Variants in HMCN1 observed in about 807,000 individuals in gnomAD.
HMCN1 encodes the protein hemicentin 1, also known as hemicentin-1.
HMCN1 carries 321 observed loss-of-function variants against 625.9 expected under a neutral mutation model. The ratio of observed to expected loss-of-function variants is 0.51; its 90% CI spans 0.47 to 0.56. HMCN1 has a LOEUF of 0.56. Among genes scored for constraint, HMCN1 ranks in the 20% least tolerant of loss-of-function variants. HMCN1 has a pLI of 0.00. For synonymous variants in HMCN1, 2,425 were observed against 2,417.6 expected, an observed-to-expected ratio of 1.00 and a Z score of -0.09; for missense variants, 6,588 against 6,887.3, an observed-to-expected ratio of 0.96 and a Z score of 1.54.
At chr1:186,108,877 A>C (rs550958343) in intron 71 of HMCN1, among the ~76,000 whole-genome samples, 2 of 152,362 alleles carry the variant, frequency 1.3e-5, no homozygotes, top group Admixed American at 1.3e-4. Flanking sequence ...GCGCCCATGC[A>C]TTAAAGTTTG....
At chr1:186,126,091 T>A (rs745368672) in intron 82 of HMCN1, among the ~76,000 whole-genome samples, 1 of 152,118 alleles carries the variant, frequency 6.6e-6, no homozygotes, top group Non-Finnish European at 1.5e-5. Context: ...TAACCTTATT[T>A]GGCAATGATA....
At chr1:186,070,584 C>T in intron 51 of HMCN1, 28 bp from the exon 52 acceptor site, 1 of 1,591,856 alleles carries the variant, frequency 6.3e-7, no homozygotes, top group Non-Finnish European at 8.6e-7. Context: ...TAACCAATGT[C>T]TAACTCTTTA....
chr1:186,186,898 G>A (rs967300757), intron 105 of HMCN1, among the ~76,000 whole-genome samples: 2 of 151,764 alleles, frequency 1.3e-5, no homozygotes, highest in Admixed American at 6.6e-5. Context: ...TCTTACATTT[G>A]GGATCTTAAA....
At chr1:185,812,412 C>T (rs1013600963) in intron 1 of HMCN1, among the ~76,000 whole-genome samples, 3 of 151,728 alleles carry the variant, frequency 2.0e-5, no homozygotes, top group Admixed American at 1.3e-4. Context: ...GTTTCTTTAA[C>T]AAAAAAAGTG....
At chr1:185,776,442 TTGTGTGTGTGTG>T (rs57003461) in intron 1 of HMCN1, among the ~76,000 whole-genome samples, 4 of 146,984 alleles carry the variant, frequency 2.7e-5, no homozygotes, top group South Asian at 2.2e-4. Context: ...TTGTATAGGG[TTGTGTGTGTGTG>T]TGTGTGTGTG....
At chr1:185,990,838 TCTTG>T (rs1215634932) in intron 22 of HMCN1, among the ~76,000 whole-genome samples, 1 of 152,226 alleles carries the variant, frequency 6.6e-6, no homozygotes, top group African/African-American at 2.4e-5. Flanking sequence ...TTGTAAGTCT[TCTTG>T]CTTAAACCCT....
chr1:185,825,172 G>C (rs750478474), intron 1 of HMCN1, among the ~76,000 whole-genome samples: 1 of 152,062 alleles, frequency 6.6e-6, no homozygotes, highest in East Asian at 1.9e-4. Context: ...AAACAGAAAC[G>C]CTGAGGAGGG....
intron 83 of HMCN1, among the ~76,000 whole-genome samples, chr1:186,129,201 TAA>T (rs75464991): frequency 0.036 from 5,329 of 148,196 alleles, 138 homozygotes; most frequent in Middle Eastern, 0.094. Flanking sequence ...GTAAAAGATT[TAA>T]AAAAAAAAAA....
In HMCN1 at chr1:185,970,454, G is replaced by T; in HGVS notation, c.2332G>T (p.Ala778Ser). 2 of 1,613,956 alleles carry T rather than the reference G, an allele frequency of 1.2e-6. No individual in the cohort carries two copies. Among genetic ancestry groups the T allele is most frequent in the Non-Finnish European group, 8.5e-7 (1 of 1,179,860 alleles). The change falls in exon 15 of 107, where the codon GCT (alanine) becomes TCT (serine). Residue 778 changes from alanine to serine, a missense_variant. This residue lies in a region of HMCN1 where 4,628 missense variants were observed against 4,853.1 expected (regional missense o/e 0.95). Coordinates refer to ENST00000271588, the MANE Select transcript of HMCN1 (RefSeq NM_031935.3). ...TTATACCTGTGTAGCCATCAATGAG[G>T]CTGGAAGAGCAACTGGCAAGATAAC... Reference protein sequence around the residue: ...GDYTCVAINEAGRATGKITLD... With the variant: ...GDYTCVAINESGRATGKITLD...
At chr1:185,811,221 A>G (rs1387751305) in intron 1 of HMCN1, among the ~76,000 whole-genome samples, 2 of 152,148 alleles carry the variant, frequency 1.3e-5, no homozygotes, top group Non-Finnish European at 2.9e-5. Context: ...AACAAGGGCT[A>G]TTAGAGGGAC....
At chr1:185,846,264 A>T (rs554711052) in intron 2 of HMCN1, among the ~76,000 whole-genome samples, 168 bp downstream of exon 2, 1 of 152,330 alleles carries the variant, frequency 6.6e-6, no homozygotes, top group South Asian at 2.1e-4. Context: ...ATTGAACAAT[A>T]CATACAGAAA....
intron 4 of HMCN1, among the ~76,000 whole-genome samples, chr1:185,889,171 C>G (rs934770106): frequency 1.9e-4 from 28 of 145,394 alleles, no homozygotes; most frequent in South Asian, 8.7e-4. Flanking sequence ...TATCCTGAGA[C>G]TTTGCTGAAG....
rs557248046 is a variant in HMCN1, at chr1:185,889,703, T to C, written c.622-19634T>C. ...TAAGCTTTTTGATGTGCTGCTGGAT[T>C]CGGTTTGCCAGTATTTTATTGAGGA... On this transcript the variant is annotated intron_variant, in intron 4 of 106. Transcript: ENST00000271588. 1.8e-3 allele frequency among the ~76,000 whole-genome samples: 247 copies of C among 140,410 alleles called. 9 individuals are homozygous for C. The highest frequency in any genetic ancestry group is 7.6e-3 in the African/African-American group (242 of 31,960). 92.1% of individuals were successfully genotyped at this position (140,410 alleles called of 152,430 possible). A position where few individuals can be genotyped will look rare whatever the true frequency, so the allele number is the denominator to read the frequency against.
rs1461092077 is a variant in HMCN1, at chr1:186,144,688, A to T, written c.14251A>T (p.Ser4751Cys). ...TGATGTCCAGAGTGATTTTTGCAAC[A>T]GTGACCCTTGCCCAAGTGAGTGTTG... ...GSDVQSDFCN[S>C]DPCPTHGNWS... Residue 4751 changes from serine (S) to cysteine (C), a missense_variant, in exon 91 of 107, where the codon AGT becomes TGT. By Grantham distance (112) the Ser-to-Cys change is moderately radical. Transcript: ENST00000271588. 1.2e-6 allele frequency: 2 copies of T among 1,614,014 alleles called. No homozygotes were observed. The highest frequency in any genetic ancestry group is 1.3e-5 in the African/African-American group (1 of 74,920).
intron 80 of HMCN1, among the ~76,000 whole-genome samples, chr1:186,122,686 C>A (rs1320451833): frequency 6.6e-6 from 1 of 152,170 alleles, no homozygotes; most frequent in African/African-American, 2.4e-5. Context: ...TCTAGACATG[C>A]ATGCCCTCAT....
chr1:185,925,696 A>G (rs759731528), intron 9 of HMCN1, among the ~76,000 whole-genome samples: 18 of 152,298 alleles, frequency 1.2e-4, no homozygotes, highest in Middle Eastern at 6.8e-3. Context: ...GCATTGGCCA[A>G]TTTGAAATCC....
At chr1:185,962,456 A>C in intron 11 of HMCN1, 62 bp from the exon 12 acceptor site, 1 of 1,352,464 alleles carries the variant, frequency 7.4e-7, no homozygotes, top group Non-Finnish European at 1.1e-6. Flanking sequence ...CTGCTAACAT[A>C]GGAAGCTTCT....
chr1:185,842,069 T>A (rs1475175769), intron 1 of HMCN1, among the ~76,000 whole-genome samples: 2 of 152,242 alleles, frequency 1.3e-5, no homozygotes, highest in Non-Finnish European at 2.9e-5. Context: ...AAAAAAAGTC[T>A]GTATCAATTA....
chr1:185,810,163 G>C lies in HMCN1; in HGVS notation c.269-35863G>C, dbSNP rs1236947690. ...TCACACTATTAAATAGAACGAGGAG[G>C]AGACATATTCTGCAATTAAATAATC... On this transcript the variant is annotated intron_variant, in intron 1 of 106. Transcript: ENST00000271588. Among the ~76,000 whole-genome samples the C allele has an allele frequency of 2.6e-5, 4 of 152,210 alleles. No individual in the cohort carries two copies. The East Asian group carries it at 7.7e-4, about 29-fold the overall frequency.
Sources: gnomAD v4.1 joint callset for allele counts (sites outside exome capture counted in the v4.1 genomes callset) on GRCh38, gnomAD v4.1.1 for gene constraint, gnomAD v4.1.1 regional missense constraint, MANE v1.5 for transcripts, NCBI Gene and HGNC (gene_info 2026-07-23, HGNC 2026-07-21) for gene names.